The following NEBL variants were observed in gnomAD, a reference collection of about 807,000 sequenced individuals.
NEBL encodes the protein LIM and SH3 protein 2.
Under a neutral mutation model 140.2 loss-of-function variants are expected in NEBL, and 122 were observed. That is an observed-to-expected ratio of 0.87 (90% CI 0.75 to 1.01). The LOEUF (loss-of-function observed/expected upper bound fraction) is 1.01, where lower values mean the gene tolerates loss of function less well. Ranked by LOEUF, NEBL falls within the 50% of genes least tolerant of loss-of-function variation. The pLI, the probability that NEBL is intolerant of heterozygous loss-of-function variation, is 0.00. For synonymous variants in NEBL, 436 were observed against 398.9 expected (o/e 1.09, Z -1.11); for missense variants, 1,365 against 1,231.3 (o/e 1.11, Z -1.62).
intron 1 of NEBL, among the ~76,000 whole-genome samples, chr10:21,273,046 T>C (rs1258490165): frequency 6.6e-6 from 1 of 152,184 alleles, no homozygotes; most frequent in East Asian, 1.9e-4. Flanking sequence ...AAATGTGACT[T>C]GGCAGCTGCT....
rs1360734639 is a variant in NEBL at position 21,202,399 on chromosome 10, A to ACC, written n.349-29924_349-29923dup. 2.4e-4 allele frequency among the ~76,000 whole-genome samples: 37 copies of ACC among 151,714 alleles called. 1 individual carries two copies. Among genetic ancestry groups the ACC allele is most frequent in the Non-Finnish European group, 2.9e-5 (2 of 67,958 alleles). ...GCGTTCTAGAAATACACATAACAGAACCACTGATAGAAGCTTGGACAGAAT... is the reference window on the plus strand; with the variant it reads ...GCGTTCTAGAAATACACATAACAGAACCCCACTGATAGAAGCTTGGACAGAAT... On this transcript the variant is annotated intron_variant and non_coding_transcript_variant, in intron 3 of 8. Coordinates refer to the NEBL transcript ENST00000675702.
At chr10:20,813,827 A>G in intron 23 of NEBL, 112 bp downstream of exon 23, 3 of 766,808 alleles carry the variant, frequency 3.9e-6, no homozygotes, top group Non-Finnish European at 6.9e-6. Context: ...AGACAAGCCA[A>G]CCACATTTCC....
At chr10:20,822,769 C>T (rs1839465970) in intron 19 of NEBL, among the ~76,000 whole-genome samples, 1 of 151,976 alleles carries the variant, frequency 6.6e-6, no homozygotes, top group African/African-American at 2.4e-5. Flanking sequence ...ATATATGTTT[C>T]TGAAAATAGG....
At chr10:20,863,619 C>T (rs1180330761) in intron 7 of NEBL, among the ~76,000 whole-genome samples, 2 of 152,158 alleles carry the variant, frequency 1.3e-5, no homozygotes, top group Non-Finnish European at 2.9e-5. Flanking sequence ...GTCTTACTGA[C>T]TTTGCACCAA....
At chr10:20,868,132 TC>T (rs1844510256) in intron 7 of NEBL, 1 of 151,868 alleles carries the variant, frequency 6.6e-6, no homozygotes, top group Non-Finnish European at 1.5e-5. Context: ...GACATCTTTA[TC>T]TATTGAAACT....
rs529610452 is a variant in NEBL at position 20,886,792 on chromosome 10, C to G, written c.369+1305G>C. Among the ~76,000 whole-genome samples, 11 of 152,184 alleles carry G rather than the reference C, an allele frequency of 7.2e-5. No homozygotes were observed. The East Asian group carries it at 2.1e-3, about 29-fold the overall frequency. ...TTGAGGACTGACTGGGATAAATACA[C>G]GTGAAATGCATAGAACAACTTCTGT... On this transcript the variant is annotated intron_variant, in intron 4 of 27. Coordinates refer to ENST00000377122, the MANE Select transcript of NEBL (RefSeq NM_006393.3).
At position 20,808,509 on chromosome 10, in the gene NEBL, C is replaced by T; in HGVS notation, c.2761+1G>A. On this transcript the variant is annotated splice_donor_variant, in intron 26 of 27. Transcript: ENST00000377122. LOFTEE classifies it high-confidence loss of function. Reference sequence around the variant, plus strand: ...CTTTGTAAGCAGTGAATGTTTGATACCTCCTTCATCAGACGGTCTTGTTAC... The same window carrying T: ...CTTTGTAAGCAGTGAATGTTTGATATCTCCTTCATCAGACGGTCTTGTTAC... 1 of 1,613,702 alleles carries T rather than the reference C, an allele frequency of 6.2e-7. No homozygotes were observed. Among genetic ancestry groups the T allele is most frequent in the South Asian group, 1.1e-5 (1 of 91,068 alleles).
intron 10 of NEBL, among the ~76,000 whole-genome samples, chr10:20,851,865 C>T (rs533875418): frequency 1.6e-4 from 25 of 152,130 alleles, no homozygotes; most frequent in African/African-American, 5.5e-4. Flanking sequence ...TAAAGGGGAA[C>T]TGTTTCGTAT....
intron 3 of NEBL, among the ~76,000 whole-genome samples, chr10:20,981,510 A>G (rs1344589418): frequency 2.0e-5 from 3 of 152,190 alleles, no homozygotes; most frequent in Admixed American, 6.5e-5. Context: ...GCAGTCAGCA[A>G]CCTACATCCC....
At chr10:20,821,723 A>G (rs1564354872) in intron 19 of NEBL, among the ~76,000 whole-genome samples, 1 of 152,190 alleles carries the variant, frequency 6.6e-6, no homozygotes, top group Non-Finnish European at 1.5e-5. Context: ...GAATGCCATA[A>G]TGGTATATGA....
At chr10:20,999,859 C>T (rs1837818153) in intron 3 of NEBL, among the ~76,000 whole-genome samples, 1 of 152,042 alleles carries the variant, frequency 6.6e-6, no homozygotes, top group Non-Finnish European at 1.5e-5. Context: ...ATAATCTATA[C>T]TCTAATTCAA....
At chr10:21,228,800 G>T (rs1842206747) in intron 3 of NEBL, among the ~76,000 whole-genome samples, 1 of 152,068 alleles carries the variant, frequency 6.6e-6, no homozygotes, top group African/African-American at 2.4e-5. Flanking sequence ...TGCCCCAACT[G>T]CAGGCCTGTT....
At chr10:21,072,033 G>A (rs1257261289) in intron 2 of NEBL, among the ~76,000 whole-genome samples, 1 of 152,082 alleles carries the variant, frequency 6.6e-6, no homozygotes, top group East Asian at 1.9e-4. Flanking sequence ...GGCCAGGCTG[G>A]TCTTTAACTC....
intron 26 of NEBL, among the ~76,000 whole-genome samples, chr10:20,792,604 C>A (rs1399287140): frequency 1.3e-5 from 2 of 152,064 alleles, no homozygotes; most frequent in African/African-American, 4.8e-5. Flanking sequence ...GAGTTCGAGA[C>A]CAGCCTGGCC....
chr10:21,125,913 AC>A, intron 2 of NEBL: 1 of 1,614,190 alleles, frequency 6.2e-7, no homozygotes, highest in Non-Finnish European at 8.5e-7. Context: ...CTTTGGTTAT[AC>A]CTTCTGGTCC....
intron 7 of NEBL, among the ~76,000 whole-genome samples, chr10:20,864,144 A>T (rs959276310): frequency 1.3e-5 from 2 of 152,196 alleles, no homozygotes; most frequent in Non-Finnish European, 2.9e-5. Context: ...AAAACTGAAC[A>T]AGGAATCTAT....
At chr10:21,217,672 TG>T (rs1184368055) in intron 3 of NEBL, among the ~76,000 whole-genome samples, 4 of 152,232 alleles carry the variant, frequency 2.6e-5, no homozygotes, top group Non-Finnish European at 5.9e-5. Flanking sequence ...CACCTGCAAA[TG>T]GGTTTAACAA....
rs1834984931 is a variant in NEBL, at chr10:20,780,796, G to A, written c.*4951C>T. On this transcript the variant is annotated 3_prime_UTR_variant, in exon 28 of 28. Coordinates refer to ENST00000377122, the MANE Select transcript of NEBL (RefSeq NM_006393.3). ...GTTCTATCATAGGAGACCACTTGCA[G>A]GGAACACATTAAAGCCATTGCTGAC... The A allele has an allele frequency of 6.6e-6, 1 of 152,206 alleles. No individual in the cohort carries two copies. The highest frequency in any genetic ancestry group is 1.5e-5 in the Non-Finnish European group (1 of 68,040). The allele number at this position is 152,206 out of a possible 1,614,324, so 9.4% of individuals were successfully genotyped here. A position where few individuals can be genotyped will look rare whatever the true frequency, so the allele number is the denominator to read the frequency against.
intron 4 of NEBL, among the ~76,000 whole-genome samples, chr10:20,944,269 G>C (rs547412395): frequency 6.6e-6 from 1 of 151,950 alleles, no homozygotes; most frequent in African/African-American, 2.4e-5. Flanking sequence ...GCCTGGTGAC[G>C]GGTGCCTGTA....
Sources: allele counts gnomAD v4.1 joint callset (sites outside exome capture counted in the v4.1 genomes callset), GRCh38; gene constraint gnomAD v4.1.1; transcripts MANE v1.5; gene names NCBI Gene and HGNC (gene_info 2026-07-23, HGNC 2026-07-21).